Variants in ASTN2 observed in about 807,000 individuals in gnomAD.
ASTN2 encodes astrotactin 2, also known as astrotactin-2.
Under a neutral mutation model 139.8 loss-of-function variants are expected in ASTN2, and 54 were observed. The observed-to-expected ratio is 0.39, with a 90% CI of 0.31 to 0.48. The LOEUF (loss-of-function observed/expected upper bound fraction) is 0.48, where lower values mean the gene tolerates loss of function less well. Ranked by LOEUF, ASTN2 falls within the 20% of genes least tolerant of loss-of-function variation. ASTN2 has a pLI of 0.95. For missense variants in ASTN2, 1,565 were observed against 1,725.1 expected (o/e 0.91, Z 1.64); for synonymous variants, 756 against 719.5 (o/e 1.05, Z -0.81).
intron 13 of ASTN2, among the ~76,000 whole-genome samples, chr9:116,780,863 G>A (rs1396840526): frequency 6.7e-6 from 1 of 148,422 alleles, no homozygotes; most frequent in African/African-American, 2.5e-5. Flanking sequence ...TTTTGAGATG[G>A]TGTTTTGCTC....
At position 116,699,749 on chromosome 9, in the gene ASTN2, C is replaced by T. The variant is rs770577221; in HGVS notation, c.2806+26022G>A. ...TTCTTCTGCTCCCAAGCCAACTTCC[C>T]TTCCCTTAGTTCTTGGTTGTTAGTG... On this transcript the variant is annotated intron_variant, in intron 16 of 22. Transcript: ENST00000313400. The surrounding 1 kb of genome is among the most constrained non-coding windows in gnomAD (Gnocchi z 4.2). 1.9e-6 allele frequency: 3 copies of T among 1,613,610 alleles called. No homozygotes were observed. Among genetic ancestry groups the T allele is most frequent in the East Asian group, 2.2e-5 (1 of 44,886 alleles).
intron 19 of ASTN2, among the ~76,000 whole-genome samples, chr9:116,587,380 G>T (rs1854203203): frequency 1.4e-5 from 2 of 145,854 alleles, no homozygotes; most frequent in Non-Finnish European, 3.0e-5. Flanking sequence ...CACTGTTATA[G>T]AAGATCAGAT....
chr9:116,724,957 C>T (rs138124761), intron 16 of ASTN2, among the ~76,000 whole-genome samples: 320 of 152,222 alleles, frequency 2.1e-3, no homozygotes, highest in African/African-American at 7.2e-3. Context: ...CTTGATGTGG[C>T]ATATCTGAGA....
At chr9:117,103,763 T>C (rs2132769231) in intron 4 of ASTN2, among the ~76,000 whole-genome samples, 1 of 152,290 alleles carries the variant, frequency 6.6e-6, no homozygotes, top group South Asian at 2.1e-4. Flanking sequence ...AAATATGTGG[T>C]TCAGGAATGG....
intron 16 of ASTN2, among the ~76,000 whole-genome samples, chr9:116,671,660 A>G (rs2131989154): frequency 6.6e-6 from 1 of 150,458 alleles, no homozygotes; most frequent in East Asian, 2.0e-4. Flanking sequence ...AAAAGAGGTA[A>G]CTTCCATTGT....
chr9:116,439,181 T>C (rs1847751905), intron 22 of ASTN2, among the ~76,000 whole-genome samples: 1 of 149,410 alleles, frequency 6.7e-6, no homozygotes, highest in Non-Finnish European at 1.5e-5. Context: ...TGTTGTGTTT[T>C]CTATTCAAAT....
At chr9:116,778,946 C>T (rs928648178) in intron 13 of ASTN2, among the ~76,000 whole-genome samples, 2 of 152,134 alleles carry the variant, frequency 1.3e-5, no homozygotes, top group South Asian at 2.1e-4. Context: ...GAGGAACTAT[C>T]GCATACTGTT....
chr9:116,958,077 T>C (rs1239280135), intron 10 of ASTN2, among the ~76,000 whole-genome samples: 1 of 152,250 alleles, frequency 6.6e-6, no homozygotes, highest in East Asian at 1.9e-4. Flanking sequence ...TTTGTGATGT[T>C]AACTTTGGTT....
chr9:116,642,343 C>T (rs757934159), intron 17 of ASTN2, among the ~76,000 whole-genome samples: 7 of 152,030 alleles, frequency 4.6e-5, no homozygotes, highest in Middle Eastern at 3.4e-3. Flanking sequence ...ATTTACTGTG[C>T]TGATTGCTTA....
At chr9:116,723,258 C>T (rs1385935290) in intron 16 of ASTN2, among the ~76,000 whole-genome samples, 1 of 152,108 alleles carries the variant, frequency 6.6e-6, no homozygotes, top group Non-Finnish European at 1.5e-5. Flanking sequence ...TACTTTATTT[C>T]AAGCTACTGT....
rs191632634 is a variant in ASTN2 at position 116,656,139 on chromosome 9, C to T, written c.2807-4346G>A. On this transcript the variant is annotated intron_variant, in intron 16 of 22. Transcript: ENST00000313400. ...AAAAGACAGCATCAGTTTTGCTGAT[C>T]CCATATCCATCTTACACAGTACCTG... Among the ~76,000 whole-genome samples the T allele has an allele frequency of 1.1e-3, 165 of 152,246 alleles. 1 individual carries two copies. The highest frequency in any genetic ancestry group is 3.8e-3 in the African/African-American group (158 of 41,554).
At chr9:116,637,941 A>G (rs1857150604) in intron 17 of ASTN2, among the ~76,000 whole-genome samples, 2 of 152,202 alleles carry the variant, frequency 1.3e-5, no homozygotes, top group South Asian at 2.1e-4. Context: ...CCTGGTCTCA[A>G]AAAAATACAT....
At chr9:116,748,328 G>A (rs532715159) in intron 13 of ASTN2, among the ~76,000 whole-genome samples, 1 of 152,232 alleles carries the variant, frequency 6.6e-6, no homozygotes, top group South Asian at 2.1e-4. Flanking sequence ...TGAGCTCCTT[G>A]ATGAGGGGGC....
chr9:116,863,603 C>T lies in ASTN2; in HGVS notation c.2020G>A (p.Val674Met), dbSNP rs199729415. ...CTTACCACACATCCCGAGGAATCCA[C>T]CTGCCGGTCAGACACACACTTGAAG... ...RNFKCVSDRQ[V>M]DSSGCVCPEE... The change falls in exon 11 of 23, where the codon GTG becomes ATG. Residue 674 changes from valine (V) to methionine (M), a missense_variant. Around this residue, in one of 4 missense-constraint regions of ASTN2, gnomAD observed 503 missense variants for 591.7 expected, o/e 0.85. Transcript: ENST00000313400. The T allele has an allele frequency of 1.5e-5, 25 of 1,614,008 alleles. No homozygotes were observed. Among genetic ancestry groups the T allele is most frequent in the Non-Finnish European group, 2.1e-5 (25 of 1,180,016 alleles).
chr9:116,946,487 G>C lies in ASTN2; in HGVS notation c.1889+28721C>G, dbSNP rs1263635348. ...TGATAACGATTATTGGTTTTCTGTAGCCAAAGGGCAAAATTAATAAATTCC... is the reference window on the plus strand; with the variant it reads ...TGATAACGATTATTGGTTTTCTGTACCCAAAGGGCAAAATTAATAAATTCC... On this transcript the variant is annotated intron_variant, in intron 10 of 22. Transcript: ENST00000313400. Among the ~76,000 whole-genome samples, 3 of 152,106 alleles carry C rather than the reference G, an allele frequency of 2.0e-5. No homozygotes were observed. In the South Asian group the frequency reaches 6.2e-4, roughly 32 times the overall value.
chr9:116,653,828 G>T (rs1188281074), intron 16 of ASTN2, among the ~76,000 whole-genome samples: 4 of 152,310 alleles, frequency 2.6e-5, no homozygotes, highest in Non-Finnish European at 5.9e-5. Flanking sequence ...TTTCTGTCTG[G>T]CTGTCAGCAA....
chr9:117,031,260 C>T (rs934406887), intron 6 of ASTN2, among the ~76,000 whole-genome samples: 1 of 152,090 alleles, frequency 6.6e-6, no homozygotes, highest in Non-Finnish European at 1.5e-5. Flanking sequence ...GATGTATCTT[C>T]TTAGGGCTTC....
chr9:116,956,607 G>A (rs943676282), intron 10 of ASTN2, among the ~76,000 whole-genome samples: 4 of 151,684 alleles, frequency 2.6e-5, no homozygotes, highest in Non-Finnish European at 5.9e-5. Context: ...AAGACATTCC[G>A]ATTGAAAAAG....
At chr9:116,810,620 A>G (rs1392439312) in intron 12 of ASTN2, among the ~76,000 whole-genome samples, 2 of 152,230 alleles carry the variant, frequency 1.3e-5, no homozygotes, top group Non-Finnish European at 2.9e-5. Context: ...CATCCTACGA[A>G]CATAAAGAAC....
Sources: allele counts gnomAD v4.1 joint callset (sites outside exome capture counted in the v4.1 genomes callset), GRCh38; gene constraint gnomAD v4.1.1; regional missense constraint gnomAD v4.1.1; non-coding constraint Gnocchi (gnomAD v3.1); transcripts MANE v1.5; gene names NCBI Gene and HGNC (gene_info 2026-07-23, HGNC 2026-07-21).